The following FMN1 variants were observed in gnomAD, a reference collection of about 807,000 sequenced individuals.
FMN1 encodes formin 1, also known as formin-1.
Under a neutral mutation model 132.4 loss-of-function variants are expected in FMN1, and 110 were observed. The ratio of observed to expected loss-of-function variants is 0.83; its 90% CI spans 0.71 to 0.97. The LOEUF is 0.97. Ranked by LOEUF, FMN1 falls within the 50% of genes least tolerant of loss-of-function variation. The probability of loss-of-function intolerance (pLI) is 0.00; values close to 1 mark genes in which losing one functional copy is unlikely to be tolerated. For synonymous variants in FMN1, 722 were observed against 651.7 expected (o/e 1.11, Z -1.64); for missense variants, 1,792 against 1,705.3 (o/e 1.05, Z -0.90).
At chr15:32,779,603 A>G (rs1044294391) in intron 19 of FMN1, among the ~76,000 whole-genome samples, 3 of 152,236 alleles carry the variant, frequency 2.0e-5, no homozygotes, top group South Asian at 4.1e-4. Context: ...CTGTGGCAAT[A>G]TATGCAATCA....
chr15:32,889,745 A>C (rs1412072350), intron 15 of FMN1, among the ~76,000 whole-genome samples: 3 of 152,152 alleles, frequency 2.0e-5, no homozygotes, highest in Non-Finnish European at 4.4e-5. Context: ...AAGGCCTATG[A>C]CGCTTACATT....
intron 6 of FMN1, among the ~76,000 whole-genome samples, chr15:33,030,264 A>C (rs1248039333): frequency 6.6e-6 from 1 of 152,242 alleles, no homozygotes; most frequent in Non-Finnish European, 1.5e-5. Context: ...CACCACTGGA[A>C]GTGAGGAGAG....
Position 32,968,696 on chromosome 15 carries a change from G to A in FMN1, c.2987+18C>T, listed in dbSNP as rs760452414. 1.2e-6 allele frequency: 2 copies of A among 1,612,748 alleles called. No individual in the cohort carries two copies. Among genetic ancestry groups the A allele is most frequent in the Admixed American group, 1.7e-5 (1 of 59,838 alleles). On this transcript the variant is annotated intron_variant, in intron 8 of 20. Coordinates refer to ENST00000616417, the MANE Select transcript of FMN1 (RefSeq NM_001277313.2). Reference sequence around the variant, plus strand: ...CCTAGGAATTCACATGCTGAGAATGGGATAGGGGAGAACTTACCTCCTATC... The same window carrying A: ...CCTAGGAATTCACATGCTGAGAATGAGATAGGGGAGAACTTACCTCCTATC...
chr15:32,817,285 C>T (rs2058085922), intron 17 of FMN1, among the ~76,000 whole-genome samples: 1 of 152,134 alleles, frequency 6.6e-6, no homozygotes, highest in Non-Finnish European at 1.5e-5. Context: ...CTTTTAAAAC[C>T]CTGGCAAAGG....
intron 10 of FMN1, among the ~76,000 whole-genome samples, chr15:32,919,280 A>G (rs2060761264): frequency 6.6e-6 from 1 of 152,236 alleles, no homozygotes; most frequent in Non-Finnish European, 1.5e-5. Context: ...TAATCCATCA[A>G]CAATAGGAAA....
At chr15:32,949,840 A>G (rs1375648712) in intron 9 of FMN1, among the ~76,000 whole-genome samples, 1 of 149,802 alleles carries the variant, frequency 6.7e-6, no homozygotes, top group Non-Finnish European at 1.5e-5. Context: ...ATCTGTAAGG[A>G]ACTGAAACAA....
intron 6 of FMN1, among the ~76,000 whole-genome samples, chr15:33,034,123 C>T (rs1460524320): frequency 1.3e-5 from 2 of 152,200 alleles, no homozygotes; most frequent in Non-Finnish European, 2.9e-5. Context: ...GAGCTCAGAG[C>T]TCCGTTTCCC....
At chr15:33,027,468 C>A (rs113018306) in intron 6 of FMN1, among the ~76,000 whole-genome samples, 1,535 of 152,126 alleles carry the variant, frequency 0.01, 28 homozygotes, top group African/African-American at 0.034. Flanking sequence ...ATGCAATGGG[C>A]CAGGAATTTA....
intron 6 of FMN1, among the ~76,000 whole-genome samples, chr15:33,019,087 A>G (rs148240173): frequency 5.2e-4 from 79 of 152,210 alleles, no homozygotes; most frequent in African/African-American, 1.8e-3. Flanking sequence ...TTATTCTCTT[A>G]CCTGGCCCCA....
chr15:33,114,889 A>G (rs907141731), intron 4 of FMN1, among the ~76,000 whole-genome samples: 3 of 151,422 alleles, frequency 2.0e-5, no homozygotes, highest in Non-Finnish European at 4.4e-5. Flanking sequence ...ATGTTTGAAA[A>G]GATGCAAGCA....
At chr15:32,861,202 G>A (rs944979319) in intron 16 of FMN1, among the ~76,000 whole-genome samples, 2 of 152,150 alleles carry the variant, frequency 1.3e-5, no homozygotes, top group Non-Finnish European at 2.9e-5. Flanking sequence ...TTACTAATAG[G>A]ATATAATCGA....
chr15:32,774,298 T>C lies in FMN1; in HGVS notation c.*12A>G, dbSNP rs762757973. 2.5e-6 allele frequency: 4 copies of C among 1,599,384 alleles called. No homozygotes were observed. In the Admixed American group the frequency reaches 5.1e-5, roughly 20 times the overall value. Reference sequence around the variant, plus strand: ...TCCACCTCCAGTGCCATCATTTCCATGTGTCTTCATCTTAGTTAGTGGTCA... The same window carrying C: ...TCCACCTCCAGTGCCATCATTTCCACGTGTCTTCATCTTAGTTAGTGGTCA... On this transcript the variant is annotated 3_prime_UTR_variant, in exon 21 of 21. Coordinates refer to ENST00000616417, the MANE Select transcript of FMN1 (RefSeq NM_001277313.2).
intron 17 of FMN1, among the ~76,000 whole-genome samples, chr15:32,848,485 C>G (rs12442396): frequency 0.77 from 117,860 of 152,104 alleles, 45,918 homozygotes; most frequent in Middle Eastern, 0.82. Flanking sequence ...CCATAGGAAA[C>G]AAACCAAGGT....
At chr15:33,025,804 T>G (rs2035637525) in intron 6 of FMN1, among the ~76,000 whole-genome samples, 2 of 152,104 alleles carry the variant, frequency 1.3e-5, no homozygotes, top group African/African-American at 4.8e-5. Context: ...AAAAATCTTC[T>G]TAGCTAAGTT....
chr15:33,126,370 C>G (rs1310035679), intron 4 of FMN1, among the ~76,000 whole-genome samples: 1 of 152,164 alleles, frequency 6.6e-6, no homozygotes, highest in Non-Finnish European at 1.5e-5. Context: ...TCCAGCAGAG[C>G]AGCACGCAGT....
intron 6 of FMN1, among the ~76,000 whole-genome samples, chr15:33,009,333 T>C (rs776969806): frequency 9.9e-5 from 15 of 152,176 alleles, no homozygotes; most frequent in Non-Finnish European, 2.1e-4. Flanking sequence ...CAAAGCAGAC[T>C]GAGTGATCTA....
intron 16 of FMN1, among the ~76,000 whole-genome samples, chr15:32,885,985 A>T (rs1198951383): frequency 1.3e-5 from 2 of 152,134 alleles, no homozygotes; most frequent in Non-Finnish European, 2.9e-5. Context: ...GTATGTGTGA[A>T]AATTATGTCC....
intron 7 of FMN1, among the ~76,000 whole-genome samples, chr15:33,004,686 G>C (rs1159301619): frequency 6.6e-6 from 1 of 152,120 alleles, no homozygotes; most frequent in Admixed American, 6.5e-5. Flanking sequence ...TCCCATTACT[G>C]GGTACATACC....
At chr15:32,886,348 G>A (rs1489332646) in intron 16 of FMN1, among the ~76,000 whole-genome samples, 3 of 152,140 alleles carry the variant, frequency 2.0e-5, no homozygotes, top group Non-Finnish European at 4.4e-5. Flanking sequence ...CTGAGACAAT[G>A]TTCAGTTTTC....
Sources: allele counts gnomAD v4.1 joint callset (sites outside exome capture counted in the v4.1 genomes callset), GRCh38; gene constraint gnomAD v4.1.1; transcripts MANE v1.5; gene names NCBI Gene and HGNC (gene_info 2026-07-23, HGNC 2026-07-21).